The following PDE7B variants were observed in gnomAD, a reference collection of about 807,000 sequenced individuals.
PDE7B encodes phosphodiesterase 7B, also known as 3',5'-cyclic-AMP phosphodiesterase 7B.
Under a neutral mutation model 56.2 loss-of-function variants are expected in PDE7B, and 29 were observed. That is an observed-to-expected ratio of 0.52 (90% CI 0.38 to 0.70). The LOEUF (loss-of-function observed/expected upper bound fraction) is 0.70. Ranked by LOEUF, PDE7B falls within the 30% of genes least tolerant of loss-of-function variation. The pLI is 0.00. For missense variants in PDE7B, 490 were observed against 565.0 expected (o/e 0.87, Z 1.35); for synonymous variants, 197 against 196.9 (o/e 1.00, Z 0.00).
chr6:136,174,548 CT>C (rs1406854538), intron 9 of PDE7B, among the ~76,000 whole-genome samples: 1 of 152,106 alleles, frequency 6.6e-6, no homozygotes, highest in Non-Finnish European at 1.5e-5. Context: ...CTAATACTGT[CT>C]TCCAAGGCCA....
At chr6:136,151,372 C>T in intron 6 of PDE7B, 117 bp downstream of exon 6, 1 of 579,728 alleles carries the variant, frequency 1.7e-6, no homozygotes, top group Admixed American at 2.9e-5. Flanking sequence ...TCCAATTAAT[C>T]TTAAATGGTC....
At chr6:135,890,869 C>T (rs1046270847) in intron 1 of PDE7B, among the ~76,000 whole-genome samples, 2 of 152,152 alleles carry the variant, frequency 1.3e-5, no homozygotes, top group Non-Finnish European at 2.9e-5. Flanking sequence ...TGAGTATCCC[C>T]ATCTTCAAGA....
At chr6:136,165,650 G>A (rs145476334) in intron 8 of PDE7B, 19 of 152,220 alleles carry the variant, frequency 1.2e-4, no homozygotes, top group African/African-American at 4.6e-4. Flanking sequence ...GGTATCTGCT[G>A]GAGGTCAAAC....
At chr6:135,933,834 A>G (rs1006180814) in intron 1 of PDE7B, among the ~76,000 whole-genome samples, 1 of 152,086 alleles carries the variant, frequency 6.6e-6, no homozygotes, top group African/African-American at 2.4e-5. Flanking sequence ...CTCCATTCTT[A>G]TTTTTGTGAC....
chr6:135,919,988 T>A (rs1774040314), intron 1 of PDE7B, among the ~76,000 whole-genome samples: 1 of 152,078 alleles, frequency 6.6e-6, no homozygotes, highest in Non-Finnish European at 1.5e-5. Flanking sequence ...CTATCCTTAT[T>A]TTATAAATAA....
chr6:135,993,733 T>C (rs1218150708), intron 2 of PDE7B, among the ~76,000 whole-genome samples: 2 of 152,246 alleles, frequency 1.3e-5, no homozygotes, highest in East Asian at 1.9e-4. Context: ...TTAAGGCAGA[T>C]TGAACCTCAA....
At chr6:135,855,145 G>T (rs539231093) in intron 1 of PDE7B, among the ~76,000 whole-genome samples, 3 of 152,112 alleles carry the variant, frequency 2.0e-5, no homozygotes, top group Non-Finnish European at 2.9e-5. Flanking sequence ...AACTGGTTGC[G>T]CTGGGTTATC....
chr6:136,069,751 T>G (rs1777013595), intron 2 of PDE7B, among the ~76,000 whole-genome samples: 1 of 152,208 alleles, frequency 6.6e-6, no homozygotes, highest in African/African-American at 2.4e-5. Context: ...AATCACAATA[T>G]CTTCATCAGA....
chr6:136,156,177 G>GTGTGTGTA (rs1441510746), intron 8 of PDE7B: 1 of 323,046 alleles, frequency 3.1e-6, no homozygotes, highest in African/African-American at 2.3e-5. Context: ...GTGTGTGTGT[G>GTGTGTGTA]TGTGTGTGTG....
intron 2 of PDE7B, among the ~76,000 whole-genome samples, chr6:136,091,177 G>A (rs1336785906): frequency 6.6e-6 from 1 of 152,104 alleles, no homozygotes; most frequent in Non-Finnish European, 1.5e-5. Flanking sequence ...GAAGTCACTA[G>A]GGAAACTGTA....
At chr6:135,991,050 G>T (rs777399226) in intron 2 of PDE7B, among the ~76,000 whole-genome samples, 4 of 152,160 alleles carry the variant, frequency 2.6e-5, no homozygotes, top group Admixed American at 6.5e-5. Context: ...TGCTTATGTT[G>T]CCATGGCATT....
chr6:135,937,250 T>C (rs1327604504), intron 1 of PDE7B, among the ~76,000 whole-genome samples: 2 of 152,202 alleles, frequency 1.3e-5, no homozygotes, highest in Non-Finnish European at 2.9e-5. Flanking sequence ...TCTATTGCCT[T>C]GAACAGATGG....
At chr6:136,191,209 C>T (rs1779219519) in intron 12 of PDE7B, among the ~76,000 whole-genome samples, 1 of 152,092 alleles carries the variant, frequency 6.6e-6, no homozygotes, top group African/African-American at 2.4e-5. Context: ...AACTGAGGCA[C>T]AAAGCCATTC....
chr6:135,928,442 TA>T (rs1157732251), intron 1 of PDE7B, among the ~76,000 whole-genome samples: 5 of 121,270 alleles, frequency 4.1e-5, no homozygotes, highest in African/African-American at 1.6e-4. Flanking sequence ...TATATATATA[TA>T]TATATTTATT....
At chr6:135,917,382 G>A (rs978657358) in intron 1 of PDE7B, among the ~76,000 whole-genome samples, 1 of 151,828 alleles carries the variant, frequency 6.6e-6, no homozygotes, top group Non-Finnish European at 1.5e-5. Flanking sequence ...CTGCTGTTAA[G>A]CCCTACCCAA....
intron 1 of PDE7B, among the ~76,000 whole-genome samples, chr6:135,885,310 T>C (rs1189309018): frequency 7.0e-6 from 1 of 142,052 alleles, no homozygotes; most frequent in Non-Finnish European, 1.5e-5. Context: ...GTTTGTTTTT[T>C]GTTGTTGCTT....
intron 2 of PDE7B, among the ~76,000 whole-genome samples, chr6:136,060,347 C>G (rs1776816364): frequency 6.6e-6 from 1 of 152,082 alleles, no homozygotes; most frequent in Non-Finnish European, 1.5e-5. Flanking sequence ...CTCCTCTGCC[C>G]TTTCTTCTTT....
At chr6:135,990,645 A>G (rs1463792676) in intron 2 of PDE7B, among the ~76,000 whole-genome samples, 2 of 152,206 alleles carry the variant, frequency 1.3e-5, no homozygotes, top group Non-Finnish European at 2.9e-5. Context: ...CATGGTGACT[A>G]TGGTTAATGA....
chr6:136,069,117 GC>G (rs1777003353), intron 2 of PDE7B, among the ~76,000 whole-genome samples: 1 of 152,166 alleles, frequency 6.6e-6, no homozygotes, highest in Non-Finnish European at 1.5e-5. Flanking sequence ...ACGTTAGAAT[GC>G]CCTTGGCCCA....
Sources: allele counts gnomAD v4.1 joint callset (sites outside exome capture counted in the v4.1 genomes callset), GRCh38; gene constraint gnomAD v4.1.1; transcripts MANE v1.5; gene names NCBI Gene and HGNC (gene_info 2026-07-23, HGNC 2026-07-21).